PCBP3: variants seen among roughly 807,000 people sequenced by gnomAD.
PCBP3 encodes the protein poly(rC)-binding protein 3.
PCBP3 carries 25 observed loss-of-function variants against 52.7 expected under a neutral mutation model. That is an observed-to-expected ratio of 0.47 (90% CI 0.35 to 0.66). The LOEUF (loss-of-function observed/expected upper bound fraction) is 0.66, where lower values mean the gene tolerates loss of function less well. PCBP3 is among the 30% of genes least tolerant of loss of function. The pLI is 0.01. For synonymous variants in PCBP3, 162 were observed against 183.0 expected (o/e 0.89, Z 0.93); for missense variants, 391 against 490.3 (o/e 0.80, Z 1.91).
intron 4 of PCBP3, among the ~76,000 whole-genome samples, chr21:45,823,544 C>G (rs2093211830): frequency 6.6e-6 from 1 of 152,024 alleles, no homozygotes; most frequent in Non-Finnish European, 1.5e-5. Flanking sequence ...TTTTCCTGGT[C>G]CTCACACAGT....
At chr21:45,706,716 G>A (rs1365209678) in intron 2 of PCBP3, among the ~76,000 whole-genome samples, 2 of 152,230 alleles carry the variant, frequency 1.3e-5, no homozygotes, top group African/African-American at 4.8e-5. Context: ...GCAGAGGGAG[G>A]CAGGCTGATG....
rs536806483 is a variant in PCBP3, at chr21:45,928,689, C to T, written c.718-1228C>T. Among the ~76,000 whole-genome samples, 1 of 152,332 alleles carries T rather than the reference C, an allele frequency of 6.6e-6. No homozygotes were observed. Among genetic ancestry groups the T allele is most frequent in the Admixed American group, 6.5e-5 (1 of 15,310 alleles). ...CAGCTCTGCTCCGAGCGCCCACACC[C>T]CCCAGCATTGGTGGCCTCTGTGGCA... On this transcript the variant is annotated intron_variant, in intron 13 of 17. Coordinates refer to ENST00000681687, the MANE Select transcript of PCBP3 (RefSeq NM_001384156.1). The surrounding 1 kb of genome is among the most constrained non-coding windows in gnomAD (Gnocchi z 4.1).
In PCBP3 at chr21:45,908,714, C is replaced by T. The variant is rs1050665806; in HGVS notation, c.340-641C>T. 1.8e-4 allele frequency among the ~76,000 whole-genome samples: 28 copies of T among 152,302 alleles called. No individual in the cohort carries two copies. In the South Asian group the frequency reaches 3.7e-3, roughly 20 times the overall value. The stretch of plus-strand genomic sequence containing the variant: ...GGCCACAGCCTGGACACGCCCCATG[C>T]GGCTGACAGAAGCCCTGTCCCCCAC... On this transcript the variant is annotated intron_variant, in intron 9 of 17. Transcript: ENST00000681687.
chr21:45,897,971 G>A (rs887032729), intron 6 of PCBP3, among the ~76,000 whole-genome samples: 3 of 152,142 alleles, frequency 2.0e-5, no homozygotes, highest in Admixed American at 6.5e-5. Context: ...GGAGGAGGCT[G>A]CCGGAGGCTC....
chr21:45,760,180 T>C (rs1299605922), intron 4 of PCBP3: 1 of 152,180 alleles, frequency 6.6e-6, no homozygotes, highest in Non-Finnish European at 1.5e-5. Context: ...TTTCTGTTTT[T>C]CTAGAGACAG....
At position 45,896,369 on chromosome 21, in the gene PCBP3, G is replaced by C. The variant is rs768011706; in HGVS notation, c.165+7G>C. 2 of 1,551,428 alleles carry C rather than the reference G, an allele frequency of 1.3e-6. No homozygotes were observed. The highest frequency in any genetic ancestry group is 1.7e-6 in the Non-Finnish European group (2 of 1,146,922). ...CCTGCTGATGCATGGAAAGGTAAGA[G>C]GAGCCGCCATTGTCTCTGTAGGAAA... On this transcript the variant is annotated splice_region_variant and intron_variant, in intron 6 of 17. Coordinates refer to ENST00000681687, the MANE Select transcript of PCBP3 (RefSeq NM_001384156.1).
At chr21:45,750,395 A>AGCCCCCC (rs2087334344) in intron 3 of PCBP3, 2 of 87,686 alleles carry the variant, frequency 2.3e-5, no homozygotes, top group African/African-American at 3.8e-5. Context: ...CTGGGAGCAG[A>AGCCCCCC]CCCCCCCCCC....
chr21:45,779,924 G>C lies in PCBP3; in HGVS notation c.-126+24472G>C, dbSNP rs147192860. On this transcript the variant is annotated intron_variant, in intron 4 of 17. Coordinates refer to ENST00000681687, the MANE Select transcript of PCBP3 (RefSeq NM_001384156.1). ...GTGGTATTGCTGTTAAGATAGACAA[G>C]TAGATCAGTGGATCAGAATAGAAAG... Among the ~76,000 whole-genome samples the C allele has an allele frequency of 2.7e-3, 404 of 152,310 alleles. 2 individuals are homozygous for C. Among genetic ancestry groups the C allele is most frequent in the Middle Eastern group, 0.024 (7 of 294 alleles).
intron 4 of PCBP3, among the ~76,000 whole-genome samples, chr21:45,770,594 G>A (rs1354193648): frequency 1.3e-5 from 2 of 152,146 alleles, no homozygotes; most frequent in Non-Finnish European, 2.9e-5. Context: ...TCTTCCCAGC[G>A]TGCATGTATG....
chr21:45,660,055 A>G (rs1425153828), intron 1 of PCBP3, among the ~76,000 whole-genome samples: 2 of 152,004 alleles, frequency 1.3e-5, no homozygotes, highest in African/African-American at 2.4e-5. Flanking sequence ...GAAGTTTCCA[A>G]CTGTTACTGT....
At chr21:45,720,784 C>T (rs889479918) in intron 2 of PCBP3, among the ~76,000 whole-genome samples, 10 of 152,218 alleles carry the variant, frequency 6.6e-5, no homozygotes, top group African/African-American at 2.2e-4. Flanking sequence ...TGCACACTGA[C>T]CAGGAGGGTG....
intron 8 of PCBP3, 140 bp downstream of exon 8, chr21:45,900,763 C>T (rs2096013142): frequency 1.4e-6 from 1 of 735,864 alleles, no homozygotes; most frequent in Non-Finnish European, 2.4e-6. Context: ...GGCCTCTTTT[C>T]CCCTACTCAG....
intron 4 of PCBP3, among the ~76,000 whole-genome samples, chr21:45,765,726 G>C (rs1203852433): frequency 1.3e-5 from 2 of 152,332 alleles, no homozygotes; most frequent in South Asian, 2.1e-4. Context: ...ATCGGCTTCA[G>C]TTTAGGGCTA....
chr21:45,681,433 A>AC (rs1282066027), intron 2 of PCBP3, among the ~76,000 whole-genome samples: 1 of 152,182 alleles, frequency 6.6e-6, no homozygotes, highest in African/African-American at 2.4e-5. Context: ...AATTCTTTGT[A>AC]CAGAGGCTCC....
chr21:45,879,193 C>T (rs578049348), intron 5 of PCBP3, among the ~76,000 whole-genome samples: 3 of 152,244 alleles, frequency 2.0e-5, no homozygotes, highest in African/African-American at 7.2e-5. Context: ...CTGTGTTGCC[C>T]GGGCTGGTCC....
chr21:45,779,984 A>G (rs2090517665), intron 4 of PCBP3, among the ~76,000 whole-genome samples: 1 of 152,244 alleles, frequency 6.6e-6, no homozygotes, highest in Admixed American at 6.5e-5. Context: ...TGGCCAATTA[A>G]TTTTCAACAA....
At chr21:45,648,417 A>G (rs2079462324) in intron 1 of PCBP3, among the ~76,000 whole-genome samples, 1 of 152,102 alleles carries the variant, frequency 6.6e-6, no homozygotes, top group Non-Finnish European at 1.5e-5. Flanking sequence ...CTGGCATCTG[A>G]TATTGTCTTA....
chr21:45,714,161 C>T (rs553026816), intron 2 of PCBP3, among the ~76,000 whole-genome samples: 19 of 152,324 alleles, frequency 1.2e-4, no homozygotes, highest in African/African-American at 4.6e-4. Flanking sequence ...TTTGGGGTCT[C>T]ATCTCTTCTC....
At chr21:45,681,503 G>C (rs754012699) in intron 2 of PCBP3, among the ~76,000 whole-genome samples, 2 of 152,128 alleles carry the variant, frequency 1.3e-5, no homozygotes, top group African/African-American at 2.4e-5. Flanking sequence ...TGTCGTAAGT[G>C]AAAAATGCAA....
Sources: gnomAD v4.1 joint callset for allele counts (sites outside exome capture counted in the v4.1 genomes callset) on GRCh38, gnomAD v4.1.1 for gene constraint, Gnocchi (gnomAD v3.1) non-coding constraint, MANE v1.5 for transcripts, NCBI Gene and HGNC (gene_info 2026-07-23, HGNC 2026-07-21) for gene names.